The following MAPRE2 variants were observed in gnomAD, a reference collection of about 807,000 sequenced individuals.
MAPRE2 encodes microtubule associated protein RP/EB family member 2, also known as microtubule-associated protein RP/EB family member 2.
MAPRE2 carries 13 observed loss-of-function variants against 43.2 expected under a neutral mutation model. The ratio of observed to expected loss-of-function variants is 0.30; its 90% CI spans 0.20 to 0.48. The LOEUF is 0.48. MAPRE2 is among the 20% of genes least tolerant of loss of function. The pLI is 0.99. For synonymous variants in MAPRE2, 135 were observed against 148.8 expected (o/e 0.91, Z 0.68); for missense variants, 161 against 400.2 (o/e 0.40, Z 5.10).
In MAPRE2 at chr18:35,140,005, A is replaced by C. The variant is rs531215485; in HGVS notation, c.910-290A>C. Among the ~76,000 whole-genome samples, 32 of 152,362 alleles carry C rather than the reference A, an allele frequency of 2.1e-4. No individual in the cohort carries two copies. In the South Asian group the frequency reaches 6.6e-3, roughly 32 times the overall value. ...TTTACAAAGGTTAGGAAAGTATGCC[A>C]TGTATTCTAAGAAGATTTCCTTCCA... On this transcript the variant is annotated intron_variant, in intron 6 of 6. Coordinates refer to ENST00000300249, the MANE Select transcript of MAPRE2 (RefSeq NM_014268.4).
chr18:35,113,956 G>A (rs963225309), intron 4 of MAPRE2, among the ~76,000 whole-genome samples: 1 of 152,156 alleles, frequency 6.6e-6, no homozygotes, highest in Non-Finnish European at 1.5e-5. Flanking sequence ...CACATATTAA[G>A]TGTCAGCTAT....
At chr18:35,075,433 T>C (rs577890774) in intron 2 of MAPRE2, among the ~76,000 whole-genome samples, 54 of 152,314 alleles carry the variant, frequency 3.5e-4, no homozygotes, top group Non-Finnish European at 7.6e-4. Context: ...GCTCAGAGTC[T>C]AAATTTAGTA....
chr18:35,081,519 C>G (rs1483042708), intron 2 of MAPRE2, among the ~76,000 whole-genome samples: 9 of 152,168 alleles, frequency 5.9e-5, no homozygotes, highest in Non-Finnish European at 4.4e-5. Context: ...CTGGACGGGA[C>G]TCTTTTCAGG....
At chr18:35,075,119 A>T (rs1319683085) in intron 2 of MAPRE2, among the ~76,000 whole-genome samples, 4 of 152,098 alleles carry the variant, frequency 2.6e-5, no homozygotes, top group Non-Finnish European at 4.4e-5. Context: ...TTGGCTAATG[A>T]TATTGTAGTC....
chr18:34,986,859 C>A (rs900984075), intron 1 of MAPRE2, among the ~76,000 whole-genome samples: 1 of 152,158 alleles, frequency 6.6e-6, no homozygotes, highest in African/African-American at 2.4e-5. Flanking sequence ...ATTAACTGAG[C>A]ATTTCATTTT....
At chr18:34,996,724 T>C (rs953770734) in intron 1 of MAPRE2, among the ~76,000 whole-genome samples, 15 of 152,260 alleles carry the variant, frequency 9.9e-5, no homozygotes, top group Non-Finnish European at 2.1e-4. Flanking sequence ...CATAAGTGGC[T>C]AATATGTTGA....
intron 2 of MAPRE2, among the ~76,000 whole-genome samples, chr18:35,080,683 A>T (rs933530779): frequency 6.6e-6 from 1 of 152,236 alleles, no homozygotes; most frequent in Non-Finnish European, 1.5e-5. Context: ...TTTATCAGAC[A>T]TGTAGACACT....
intron 4 of MAPRE2, among the ~76,000 whole-genome samples, chr18:35,111,973 G>A (rs1909195659): frequency 6.6e-6 from 1 of 152,078 alleles, no homozygotes; most frequent in Admixed American, 6.6e-5. Flanking sequence ...CTATTTTACA[G>A]TCCCCAGTCA....
chr18:34,991,346 T>C (rs1266437494), intron 1 of MAPRE2, among the ~76,000 whole-genome samples: 1 of 152,204 alleles, frequency 6.6e-6, no homozygotes, highest in Non-Finnish European at 1.5e-5. Flanking sequence ...TCACTGAGCC[T>C]GTTTTGAGTA....
At chr18:34,997,304 C>T (rs999715032) in intron 1 of MAPRE2, among the ~76,000 whole-genome samples, 2 of 152,168 alleles carry the variant, frequency 1.3e-5, no homozygotes, top group African/African-American at 2.4e-5. Context: ...TTTAGGGGAT[C>T]CTAAAGGATT....
intron 2 of MAPRE2, among the ~76,000 whole-genome samples, chr18:35,015,474 T>A (rs190638201): frequency 1.1e-3 from 173 of 152,238 alleles, no homozygotes; most frequent in Non-Finnish European, 2.0e-3. Flanking sequence ...GGTTACTGAC[T>A]TGTTCAAGGC....
chr18:34,999,174 T>C (rs923530993), intron 1 of MAPRE2, among the ~76,000 whole-genome samples: 3 of 152,148 alleles, frequency 2.0e-5, no homozygotes, highest in Non-Finnish European at 4.4e-5. Context: ...TCATTATTAA[T>C]TGCACACATG....
At chr18:34,983,669 A>C (rs1439164061) in intron 1 of MAPRE2, among the ~76,000 whole-genome samples, 1 of 151,968 alleles carries the variant, frequency 6.6e-6, no homozygotes, top group African/African-American at 2.4e-5. Context: ...TCATTCTGTC[A>C]CCCAGGTTAG....
intron 2 of MAPRE2, among the ~76,000 whole-genome samples, chr18:35,075,843 GTC>G (rs1447594559): frequency 6.6e-6 from 1 of 152,146 alleles, no homozygotes; most frequent in Non-Finnish European, 1.5e-5. Flanking sequence ...ATACTCTAGT[GTC>G]TCTACTAATG....
chr18:35,037,671 T>TC (rs1568979111), upstream of MAPRE2, among the ~76,000 whole-genome samples: 1 of 151,986 alleles, frequency 6.6e-6, no homozygotes, highest in Admixed American at 6.6e-5. Flanking sequence ...TATTTTTTTT[T>TC]TCCCTTAGGA....
intron 1 of MAPRE2, among the ~76,000 whole-genome samples, chr18:35,058,256 T>C (rs1262670935): frequency 2.0e-5 from 3 of 152,232 alleles, no homozygotes; most frequent in Non-Finnish European, 2.9e-5. Flanking sequence ...ACTTCCCTTG[T>C]CCTGTTAATA....
At chr18:35,074,684 C>CTT (rs1302330334) in intron 2 of MAPRE2, among the ~76,000 whole-genome samples, 1 of 152,134 alleles carries the variant, frequency 6.6e-6, no homozygotes, top group Non-Finnish European at 1.5e-5. Context: ...GCTTGGCAGA[C>CTT]TGAGTGCCTG....
chr18:35,018,509 T>G (rs1219007467), intron 2 of MAPRE2, among the ~76,000 whole-genome samples: 3 of 151,590 alleles, frequency 2.0e-5, no homozygotes, highest in Non-Finnish European at 4.4e-5. Flanking sequence ...TGGAACTTGA[T>G]ATTGGTCTGC....
intron 5 of MAPRE2, among the ~76,000 whole-genome samples, chr18:35,131,759 C>T (rs965073448): frequency 2.0e-5 from 3 of 152,084 alleles, no homozygotes; most frequent in African/African-American, 4.8e-5. Context: ...TTCCAGCCTG[C>T]GGGGAACCGC....
Sources: allele counts gnomAD v4.1 joint callset (sites outside exome capture counted in the v4.1 genomes callset), GRCh38; gene constraint gnomAD v4.1.1; transcripts MANE v1.5; gene names NCBI Gene and HGNC (gene_info 2026-07-23, HGNC 2026-07-21).